The following LRRC7 variants were observed in gnomAD, a reference collection of about 807,000 sequenced individuals.
LRRC7 encodes the protein leucine rich repeat containing 7.
A neutral mutation model predicts 175.7 loss-of-function variants in LRRC7; 23 were observed. The observed-to-expected ratio is 0.13, with a 90% CI of 0.09 to 0.19. The LOEUF is 0.19. LRRC7 is among the 10% of genes least tolerant of loss of function. The pLI is 1.00. For missense variants in LRRC7, 1,354 were observed against 1,904.7 expected, an observed-to-expected ratio of 0.71 and a Z score of 5.38; for synonymous variants, 685 against 680.9, an observed-to-expected ratio of 1.01 and a Z score of -0.09.
chr1:69,872,478 C>A (rs1685650328), intron 7 of LRRC7, among the ~76,000 whole-genome samples: 1 of 151,932 alleles, frequency 6.6e-6, no homozygotes, highest in East Asian at 1.9e-4. Context: ...TATAAAAATG[C>A]CAATTTCTTA....
At chr1:69,899,991 T>C (rs951952713) in intron 7 of LRRC7, among the ~76,000 whole-genome samples, 1 of 152,230 alleles carries the variant, frequency 6.6e-6, no homozygotes, top group African/African-American at 2.4e-5. Flanking sequence ...AGCTTTGCTG[T>C]AATAAAATTT....
intron 16 of LRRC7, chr1:70,021,499 A>C (rs559664619): frequency 3.1e-5 from 5 of 160,980 alleles, no homozygotes; most frequent in African/African-American, 9.6e-5. Context: ...CGTCATGCAG[A>C]CTGAATAAGG....
chr1:69,631,096 A>G (rs1428539932), intron 1 of LRRC7, among the ~76,000 whole-genome samples: 2 of 152,018 alleles, frequency 1.3e-5, no homozygotes, highest in Non-Finnish European at 2.9e-5. Context: ...ACATCCATAT[A>G]ATGTGTACAG....
At chr1:69,640,147 T>C (rs1195774502) in intron 1 of LRRC7, among the ~76,000 whole-genome samples, 4 of 151,744 alleles carry the variant, frequency 2.6e-5, no homozygotes, top group Non-Finnish European at 4.4e-5. Flanking sequence ...GGAAAAACAT[T>C]CTAGCATTTT....
At chr1:70,095,748 G>A (rs538970894) in intron 25 of LRRC7, among the ~76,000 whole-genome samples, 1 of 152,278 alleles carries the variant, frequency 6.6e-6, no homozygotes, top group East Asian at 1.9e-4. Context: ...AAAAGTATCA[G>A]TGTAAAGCTA....
intron 2 of LRRC7, among the ~76,000 whole-genome samples, chr1:69,756,265 T>C (rs6679325): frequency 1 from 151,496 of 152,018 alleles, 75,491 homozygotes; most frequent in Middle Eastern, 1. Context: ...GAAAAAAATA[T>C]TTGAATTGTA....
intron 23 of LRRC7, among the ~76,000 whole-genome samples, chr1:70,053,706 A>G (rs2102064719): frequency 6.6e-6 from 1 of 152,294 alleles, no homozygotes; most frequent in East Asian, 1.9e-4. Context: ...TCCCCACAAC[A>G]GGAGTAAAAA....
Position 70,029,858 on chromosome 1 carries a change from G to C in LRRC7, c.1995+1487G>C, listed in dbSNP as rs893213544. On this transcript the variant is annotated intron_variant, in intron 18 of 26. Transcript: ENST00000651989. ...GAATTTAATAATAAATCTTAAAACTGTCTCAAAATCAGGTCAAGCATAACA... is the reference window on the plus strand; with the variant it reads ...GAATTTAATAATAAATCTTAAAACTCTCTCAAAATCAGGTCAAGCATAACA... 6.6e-5 allele frequency among the ~76,000 whole-genome samples: 10 copies of C among 152,236 alleles called. No homozygotes were observed. In the East Asian group the frequency reaches 1.9e-3, roughly 29 times the overall value.
intron 10 of LRRC7, among the ~76,000 whole-genome samples, chr1:69,990,718 AT>A (rs1654357158): frequency 6.6e-6 from 1 of 152,176 alleles, no homozygotes; most frequent in Admixed American, 6.5e-5. Context: ...CTGAAAGAAA[AT>A]ATTCATACGG....
chr1:69,775,951 C>T (rs760578859), intron 3 of LRRC7, among the ~76,000 whole-genome samples: 2 of 152,096 alleles, frequency 1.3e-5, no homozygotes, highest in East Asian at 1.9e-4. Flanking sequence ...ACCCTTATTG[C>T]CTCCTAGCCA....
rs79824378 is a variant in LRRC7, at chr1:70,079,324, G to T, written c.4452+3026G>T. 7.9e-3 allele frequency among the ~76,000 whole-genome samples: 1,206 copies of T among 152,210 alleles called. 24 individuals carry two copies. The highest frequency in any genetic ancestry group is 0.028 in the African/African-American group (1,154 of 41,544). ...CTATTTTAATAAGACATTTCTAGTG[G>T]TGCTATAAAAGAGCCATAAAGAGAA... is the stretch of plus-strand genomic sequence containing the variant. On this transcript the variant is annotated intron_variant, in intron 24 of 26. Coordinates refer to ENST00000651989, the MANE Select transcript of LRRC7 (RefSeq NM_001370785.2).
rs1480521575 is a variant in LRRC7 at position 70,138,664 on chromosome 1, T to G, written c.*16777T>G. The G allele has an allele frequency of 1.3e-5, 2 of 152,220 alleles. No homozygotes were observed. Among genetic ancestry groups the G allele is most frequent in the Non-Finnish European group, 2.9e-5 (2 of 68,028 alleles). 9.4% of individuals were successfully genotyped at this position (152,220 alleles called of 1,614,324 possible). A position where few individuals can be genotyped will look rare whatever the true frequency, so the allele number is the denominator to read the frequency against. ...TTAAATTCTCAATACCCTATGAGAT[T>G]TTTTAAACTATTTTAGATTCTTACC... On this transcript the variant is annotated 3_prime_UTR_variant, in exon 27 of 27. Transcript: ENST00000651989.
chr1:70,084,637 G>A (rs1018672183), intron 24 of LRRC7, among the ~76,000 whole-genome samples: 1 of 152,120 alleles, frequency 6.6e-6, no homozygotes, highest in Non-Finnish European at 1.5e-5. Flanking sequence ...TTTGTGTGGA[G>A]ATATATGTTT....
rs917248664 is a variant in LRRC7, at chr1:70,123,526, G to T, written c.*1639G>T. The T allele has an allele frequency of 1.3e-5, 2 of 152,118 alleles. No individual in the cohort carries two copies. Among genetic ancestry groups the T allele is most frequent in the African/African-American group, 4.8e-5 (2 of 41,436 alleles). The allele number at this position is 152,118 out of a possible 1,614,324, so 9.4% of individuals were successfully genotyped here. ...TTTTTGGCAATAGAATTTGTCACTTGGGAGAAAATAATACTTCACTTTATA... is the reference window on the plus strand; with the variant it reads ...TTTTTGGCAATAGAATTTGTCACTTTGGAGAAAATAATACTTCACTTTATA... On this transcript the variant is annotated 3_prime_UTR_variant, in exon 27 of 27. Coordinates refer to ENST00000651989, the MANE Select transcript of LRRC7 (RefSeq NM_001370785.2).
chr1:69,829,067 A>G (rs1264754104), intron 5 of LRRC7, among the ~76,000 whole-genome samples: 1 of 152,012 alleles, frequency 6.6e-6, no homozygotes, highest in Non-Finnish European at 1.5e-5. Flanking sequence ...AATTCTTACT[A>G]AATAAAAGTA....
chr1:69,851,469 A>C (rs1682977416), intron 7 of LRRC7, among the ~76,000 whole-genome samples: 1 of 152,150 alleles, frequency 6.6e-6, no homozygotes, highest in East Asian at 1.9e-4. Flanking sequence ...AATAATTACC[A>C]GAAGAAATGC....
intron 4 of LRRC7, among the ~76,000 whole-genome samples, chr1:69,817,297 T>G (rs1266651710): frequency 6.6e-6 from 1 of 152,020 alleles, no homozygotes; most frequent in East Asian, 1.9e-4. Context: ...TAATCCATTT[T>G]GGGTTGATTT....
chr1:69,591,843 T>G (rs1646648108), intron 1 of LRRC7, among the ~76,000 whole-genome samples: 1 of 152,044 alleles, frequency 6.6e-6, no homozygotes. Context: ...AGATGCTCTG[T>G]TCAAGGTTGG....
chr1:70,113,742 G>A (rs1223249300), intron 26 of LRRC7, among the ~76,000 whole-genome samples: 1 of 151,172 alleles, frequency 6.6e-6, no homozygotes, highest in Non-Finnish European at 1.5e-5. Context: ...AAAAAAAAGA[G>A]TTCATGGTCA....
Sources: gnomAD v4.1 joint callset for allele counts (sites outside exome capture counted in the v4.1 genomes callset) on GRCh38, gnomAD v4.1.1 for gene constraint, MANE v1.5 for transcripts, NCBI Gene and HGNC (gene_info 2026-07-23, HGNC 2026-07-21) for gene names.